Variants in C8orf34 observed in about 807,000 individuals in gnomAD.
C8orf34 encodes uncharacterized protein C8orf34.
C8orf34 carries 65 observed loss-of-function variants against 68.3 expected under a neutral mutation model. The observed-to-expected ratio is 0.95, with a 90% CI of 0.78 to 1.17. The LOEUF is 1.17. C8orf34 is among the 50% of genes most tolerant of loss of function. The pLI, the probability that C8orf34 is intolerant of heterozygous loss-of-function variation, is 0.00. For missense variants in C8orf34, 664 were observed against 655.4 expected (o/e 1.01, Z -0.14); for synonymous variants, 244 against 241.2 (o/e 1.01, Z -0.11).
intron 8 of C8orf34, among the ~76,000 whole-genome samples, chr8:68,678,859 G>GAAAA (rs35973682): frequency 8.6e-6 from 1 of 116,958 alleles, no homozygotes. Flanking sequence ...GACCACAACT[G>GAAAA]AAAAAAAAAA....
rs543749025 is a variant in C8orf34 at position 68,504,721 on chromosome 8, C to T, written c.765+16670C>T. On this transcript the variant is annotated intron_variant, in intron 5 of 13. Coordinates refer to ENST00000518698, the MANE Select transcript of C8orf34 (RefSeq NM_052958.4). Reference sequence around the variant, plus strand: ...TTTTGAGACAGTCTTGCTCTGTCGCCGAGGCTGGAGTGGAGTGGTGTGATC... The same window carrying T: ...TTTTGAGACAGTCTTGCTCTGTCGCTGAGGCTGGAGTGGAGTGGTGTGATC... Among the ~76,000 whole-genome samples, 11 of 151,078 alleles carry T rather than the reference C, an allele frequency of 7.3e-5. 1 individual carries two copies. The highest frequency in any genetic ancestry group is 2.0e-4 in the East Asian group (1 of 5,098).
chr8:68,588,262 G>A (rs574536252), intron 7 of C8orf34, among the ~76,000 whole-genome samples: 7 of 151,794 alleles, frequency 4.6e-5, no homozygotes, highest in Non-Finnish European at 7.4e-5. Context: ...AATTTCATGT[G>A]GAAAGATAAT....
chr8:68,793,575 A>G (rs577727490), intron 12 of C8orf34, among the ~76,000 whole-genome samples: 3 of 152,332 alleles, frequency 2.0e-5, no homozygotes, highest in African/African-American at 7.2e-5. Flanking sequence ...CAGAAAACCA[A>G]ACACCAAGTG....
At chr8:68,779,178 G>GAA (rs1474382036) in intron 11 of C8orf34, among the ~76,000 whole-genome samples, 1 of 116,408 alleles carries the variant, frequency 8.6e-6, no homozygotes. Context: ...TCCTGTCTCT[G>GAA]AAACACACAC....
intron 4 of C8orf34, among the ~76,000 whole-genome samples, chr8:68,474,445 ATCTTCTAGTTCAC>A (rs990865930): frequency 1.3e-5 from 2 of 152,144 alleles, no homozygotes; most frequent in African/African-American, 4.8e-5. Context: ...TCCTATCAAT[ATCTTCTAGTTCAC>A]TCTCTCAACA....
rs576956745 is a variant in C8orf34, at chr8:68,700,488, A to T, written c.1242-8506A>T. ...GGCAAGGTTTTGTAGGGCAGCAGTG[A>T]CTTTTTTTCTGGGGTAAAAGGGAAC... On this transcript the variant is annotated intron_variant, in intron 8 of 13. Coordinates refer to ENST00000518698, the MANE Select transcript of C8orf34 (RefSeq NM_052958.4). Among the ~76,000 whole-genome samples the T allele has an allele frequency of 3.9e-5, 6 of 152,246 alleles. No homozygotes were observed. In the East Asian group the frequency reaches 9.7e-4, roughly 25 times the overall value.
At chr8:68,370,317 G>T (rs1165629298) in intron 1 of C8orf34, among the ~76,000 whole-genome samples, 4 of 152,028 alleles carry the variant, frequency 2.6e-5, no homozygotes, top group African/African-American at 9.7e-5. Context: ...TGTCTCTGTT[G>T]CCCATGATAG....
chr8:68,610,812 A>C lies in C8orf34; in HGVS notation c.1106-29564A>C, dbSNP rs1817993676. 4.6e-5 allele frequency among the ~76,000 whole-genome samples: 7 copies of C among 151,884 alleles called. No homozygotes were observed. In the South Asian group the frequency reaches 1.2e-3, roughly 27 times the overall value. ...CAATGATGAAAAACAAGGATTAACT[A>C]GAAAAAAAATTGGATTAATTCATGT... On this transcript the variant is annotated intron_variant, in intron 7 of 13. Transcript: ENST00000518698.
At position 68,654,096 on chromosome 8, in the gene C8orf34, C is replaced by T. The variant is rs530883848; in HGVS notation, c.1241+13585C>T. On this transcript the variant is annotated intron_variant, in intron 8 of 13. Coordinates refer to ENST00000518698, the MANE Select transcript of C8orf34 (RefSeq NM_052958.4). ...TTTCTAATAATTTTGAATAAAGATACCTGCATTCATTCAGTACAGATGAAA... is the reference window on the plus strand; with the variant it reads ...TTTCTAATAATTTTGAATAAAGATATCTGCATTCATTCAGTACAGATGAAA... Among the ~76,000 whole-genome samples, 5 of 152,128 alleles carry T rather than the reference C, an allele frequency of 3.3e-5. No individual in the cohort carries two copies. The East Asian group carries it at 9.7e-4, about 29-fold the overall frequency.
chr8:68,756,629 G>C (rs1440491107), intron 10 of C8orf34, among the ~76,000 whole-genome samples: 1 of 152,038 alleles, frequency 6.6e-6, no homozygotes, highest in Non-Finnish European at 1.5e-5. Context: ...AGTTTGTTTA[G>C]TTTTGCTTTT....
chr8:68,790,312 C>T (rs754490502), intron 12 of C8orf34, among the ~76,000 whole-genome samples: 2 of 152,220 alleles, frequency 1.3e-5, no homozygotes, highest in Non-Finnish European at 2.9e-5. Flanking sequence ...TTTACAGGCT[C>T]ATATCCTAGA....
intron 7 of C8orf34, 81 bp from the exon 8 acceptor site, chr8:68,640,295 C>A: frequency 7.7e-7 from 1 of 1,306,848 alleles, no homozygotes; most frequent in East Asian, 2.4e-5. Context: ...AAACTAATGG[C>A]AGATACCTGA....
At chr8:68,574,250 GA>G (rs1412239032) in intron 7 of C8orf34, among the ~76,000 whole-genome samples, 1 of 151,828 alleles carries the variant, frequency 6.6e-6, no homozygotes, top group Non-Finnish European at 1.5e-5. Context: ...CAAATACTGA[GA>G]AAAAATGACA....
At chr8:68,565,255 G>T (rs947605800) in intron 7 of C8orf34, among the ~76,000 whole-genome samples, 1 of 152,106 alleles carries the variant, frequency 6.6e-6, no homozygotes, top group Admixed American at 6.5e-5. Flanking sequence ...GAATTGGATC[G>T]TTGTTCTCCT....
intron 7 of C8orf34, among the ~76,000 whole-genome samples, chr8:68,592,811 G>A (rs1257332004): frequency 6.6e-6 from 1 of 151,946 alleles, no homozygotes; most frequent in Admixed American, 6.6e-5. Flanking sequence ...GTTTCACCAT[G>A]TTGGTCAGGC....
At chr8:68,680,006 T>C (rs554370733) in intron 8 of C8orf34, among the ~76,000 whole-genome samples, 13 of 152,320 alleles carry the variant, frequency 8.5e-5, no homozygotes, top group Middle Eastern at 3.4e-3. Context: ...TCCAGGACAC[T>C]GGACTGGGCA....
intron 10 of C8orf34, among the ~76,000 whole-genome samples, chr8:68,748,670 AT>A (rs1375319784): frequency 6.6e-6 from 1 of 151,968 alleles, no homozygotes; most frequent in Non-Finnish European, 1.5e-5. Context: ...AGAAATGCAA[AT>A]CAAAACCACA....
chr8:68,755,510 C>T (rs1390575845), intron 10 of C8orf34, among the ~76,000 whole-genome samples: 1 of 152,030 alleles, frequency 6.6e-6, no homozygotes, highest in Non-Finnish European at 1.5e-5. Context: ...TATCTGATAC[C>T]AATTTTACAG....
At chr8:68,636,347 G>A (rs1316675798) in intron 7 of C8orf34, among the ~76,000 whole-genome samples, 3 of 151,878 alleles carry the variant, frequency 2.0e-5, no homozygotes, top group Non-Finnish European at 4.4e-5. Flanking sequence ...AGGGCAAGGT[G>A]GGCAGATCAC....
Sources: gnomAD v4.1 joint callset for allele counts (sites outside exome capture counted in the v4.1 genomes callset) on GRCh38, gnomAD v4.1.1 for gene constraint, MANE v1.5 for transcripts, NCBI Gene and HGNC (gene_info 2026-07-23, HGNC 2026-07-21) for gene names.